MED21: variants seen among roughly 807,000 people sequenced by gnomAD.
MED21 encodes mediator complex subunit 21.
A neutral mutation model predicts 18.2 loss-of-function variants in MED21; 9 were observed. That is an observed-to-expected ratio of 0.49 (90% confidence interval 0.30 to 0.86). The LOEUF (loss-of-function observed/expected upper bound fraction) is 0.86, where lower values mean the gene tolerates loss of function less well. Among genes scored for constraint, MED21 ranks in the 40% least tolerant of loss-of-function variants. The probability of loss-of-function intolerance (pLI) is 0.07; values close to 1 mark genes in which losing one functional copy is unlikely to be tolerated. For missense variants in MED21, 150 were observed against 170.9 expected, an observed-to-expected ratio of 0.88 and a Z score of 0.68; for synonymous variants, 73 against 60.5, an observed-to-expected ratio of 1.21 and a Z score of -0.96.
chr12:27,034,244 C>T (rs1179150098), downstream of MED21, among the ~76,000 whole-genome samples: 3 of 151,936 alleles, frequency 2.0e-5, no homozygotes, highest in African/African-American at 7.3e-5. Flanking sequence ...GGAGAAACCC[C>T]GTCTCTACTA....
At chr12:27,033,812 CTA>C (rs951923997), downstream of MED21, among the ~76,000 whole-genome samples, 4 of 152,108 alleles carry the variant, frequency 2.6e-5, no homozygotes, top group African/African-American at 7.2e-5. Context: ...TGAAAACAAA[CTA>C]TGCATAGAAA....
intron 1 of MED21, among the ~76,000 whole-genome samples, chr12:27,026,043 C>T (rs902552652): frequency 2.0e-5 from 3 of 152,178 alleles, no homozygotes; most frequent in African/African-American, 7.2e-5. Context: ...TAGATATTTA[C>T]AAGTCAAATT....
downstream of MED21, among the ~76,000 whole-genome samples, chr12:27,035,669 A>G (rs1591795265): frequency 7.1e-6 from 1 of 141,218 alleles, no homozygotes; most frequent in East Asian, 2.1e-4. Context: ...ATTCCCATCT[A>G]TGAGTGAGAA....
downstream of MED21, among the ~76,000 whole-genome samples, chr12:27,033,845 C>T (rs532059737): frequency 1.3e-5 from 2 of 152,076 alleles, no homozygotes; most frequent in African/African-American, 4.8e-5. Flanking sequence ...TCGGCCAAGA[C>T]AGCATGTAGG....
Position 27,027,437 on chromosome 12 carries a change from C to G in MED21, c.248C>G (p.Ala83Gly). Residue 83 changes from alanine to glycine, a missense_variant, in exon 3 of 4, where the codon GCT becomes GGT. By Grantham distance (60) the Ala-to-Gly change is moderately conservative (BLOSUM62 0). Coordinates refer to ENST00000282892, the MANE Select transcript of MED21 (RefSeq NM_004264.5). ...IDSLPSEEST[A>G]ALQAASLYKL... The stretch of plus-strand genomic sequence containing the variant: ...TCCTTACCCAGTGAAGAATCTACAG[C>G]TGCTTTACAGGTAAGCCTCTATTCC... The G allele has an allele frequency of 6.2e-7, 1 of 1,610,768 alleles. No individual in the cohort carries two copies. The highest frequency in any genetic ancestry group is 8.5e-7 in the Non-Finnish European group (1 of 1,177,408).
At chr12:27,031,700 GA>G (rs966367601), downstream of MED21, among the ~76,000 whole-genome samples, 29 of 148,298 alleles carry the variant, frequency 2.0e-4, no homozygotes, top group East Asian at 7.8e-4. Flanking sequence ...ATGTAGCCAT[GA>G]AAAAAAAAAT....
chr12:27,036,475 G>A (rs1941650583), intron 2 of MED21, among the ~76,000 whole-genome samples: 1 of 152,126 alleles, frequency 6.6e-6, no homozygotes, highest in African/African-American at 2.4e-5. Flanking sequence ...GGCTTTTATT[G>A]CCATTGCTTT....
rs200787411 is a variant in MED21 at position 27,022,667 on chromosome 12, G to A, written c.42+46G>A. ...AGCCTCTGTCTTTCTCTTTCTTGAG[G>A]TAAAGCAAGGGAGGAAAGGGGCCCA... On this transcript the variant is annotated intron_variant, in intron 1 of 3. Transcript: ENST00000282892. 1.9e-6 allele frequency: 3 copies of A among 1,611,910 alleles called. No individual in the cohort carries two copies. The East Asian group carries it at 6.7e-5, about 36-fold the overall frequency.
intron 3 of MED21, 102 bp from the exon 4 acceptor site, chr12:27,028,183 A>T: frequency 7.3e-7 from 1 of 1,363,932 alleles, no homozygotes; most frequent in Non-Finnish European, 9.7e-7. Flanking sequence ...ACTGAAAAAC[A>T]TATCACAATG....
chr12:27,034,844 G>A (rs1315964341), downstream of MED21, among the ~76,000 whole-genome samples: 8 of 152,092 alleles, frequency 5.3e-5, no homozygotes, highest in African/African-American at 1.7e-4. Flanking sequence ...TCCGTCTCCC[G>A]GGTCCAAGTG....
chr12:27,033,569 C>T (rs1941632475), downstream of MED21, among the ~76,000 whole-genome samples: 1 of 152,102 alleles, frequency 6.6e-6, no homozygotes, highest in Non-Finnish European at 1.5e-5. Context: ...ACCTCATTCA[C>T]TTGGGTAGGA....
At position 27,038,267 on chromosome 12, in the gene MED21, C is replaced by T. The variant is rs533408610; in HGVS notation, n.147-7887C>T. ...CCAGCAACAAATGGTAAGAAAAACA[C>T]GTTGTTTTTTTTTTAAAGTACATTT... On this transcript the variant is annotated intron_variant and non_coding_transcript_variant, in intron 2 of 4. Transcript: ENST00000538186. 5 of 150,572 alleles carry T rather than the reference C, an allele frequency of 3.3e-5. No homozygotes were observed. In the South Asian group the frequency reaches 6.3e-4, roughly 19 times the overall value. 9.3% of individuals were successfully genotyped at this position (150,572 alleles called of 1,614,324 possible).
At chr12:27,024,355 A>G (rs1379027986) in intron 1 of MED21, among the ~76,000 whole-genome samples, 1 of 151,922 alleles carries the variant, frequency 6.6e-6, no homozygotes, top group Non-Finnish European at 1.5e-5. Flanking sequence ...CAGAATTTGT[A>G]CACTTGAAGA....
downstream of MED21, among the ~76,000 whole-genome samples, chr12:27,034,166 A>G (rs1457822958): frequency 6.6e-6 from 1 of 152,228 alleles, no homozygotes; most frequent in Non-Finnish European, 1.5e-5. Context: ...CTGTAGTCCC[A>G]GCACTTTGGG....
At chr12:27,024,606 T>A (rs1451244281) in intron 1 of MED21, among the ~76,000 whole-genome samples, 1 of 152,226 alleles carries the variant, frequency 6.6e-6, no homozygotes, top group African/African-American at 2.4e-5. Flanking sequence ...TATTCATACA[T>A]GTCTTGTAAC....
chr12:27,027,452 G>A lies in MED21; in HGVS notation c.258+5G>A. ...GAATCTACAGCTGCTTTACAGGTAAGCCTCTATTCCTTTGAGAATTTTACC... is the reference window on the plus strand; with the variant it reads ...GAATCTACAGCTGCTTTACAGGTAAACCTCTATTCCTTTGAGAATTTTACC... On this transcript the variant is annotated splice_donor_5th_base_variant and intron_variant, in intron 3 of 3. Transcript: ENST00000282892. 1.3e-6 allele frequency: 2 copies of A among 1,597,928 alleles called. No homozygotes were observed. Among genetic ancestry groups the A allele is most frequent in the Non-Finnish European group, 1.7e-6 (2 of 1,169,220 alleles).
chr12:27,030,338 TTGCCCAGGCTAA>T lies in MED21; in HGVS notation c.*1882_*1893del. ...TTTTTAGAGATGGGGTCTCACTCTG[TTGCCCAGGCTAA>T]TGCCAAACTGCTAACCTCAAGATAT... On this transcript the variant is annotated 3_prime_UTR_variant, in exon 4 of 4. Coordinates refer to ENST00000282892, the MANE Select transcript of MED21 (RefSeq NM_004264.5). The T allele has an allele frequency of 2.2e-6, 1 of 446,886 alleles. No homozygotes were observed. The highest frequency in any genetic ancestry group is 4.0e-6 in the Non-Finnish European group (1 of 251,064). The allele number at this position is 446,886 out of a possible 1,614,324, so 27.7% of individuals were successfully genotyped here. A position where few individuals can be genotyped will look rare whatever the true frequency, so the allele number is the denominator to read the frequency against.
At chr12:27,032,418 T>G (rs1565481978), downstream of MED21, among the ~76,000 whole-genome samples, 1 of 152,110 alleles carries the variant, frequency 6.6e-6, no homozygotes, top group African/African-American at 2.4e-5. Context: ...GGAATAGATA[T>G]CCTTATACTT....
chr12:27,034,111 A>C (rs981513443), downstream of MED21, among the ~76,000 whole-genome samples: 2 of 152,182 alleles, frequency 1.3e-5, no homozygotes, highest in Non-Finnish European at 2.9e-5. Flanking sequence ...TTAATCCTTT[A>C]AACTTCAAAA....
Sources: gnomAD v4.1 joint callset for allele counts (sites outside exome capture counted in the v4.1 genomes callset) on GRCh38, gnomAD v4.1.1 for gene constraint, MANE v1.5 for transcripts, NCBI Gene and HGNC (gene_info 2026-07-23, HGNC 2026-07-21) for gene names.